Variants in PRR16 observed in about 807,000 individuals in gnomAD.
The protein encoded by PRR16 is proline rich 16.
In PRR16, 6 loss-of-function variants were observed where a neutral mutation model predicts 18.2. The ratio of observed to expected loss-of-function variants is 0.33; its 90% CI spans 0.18 to 0.65. The LOEUF is 0.65. PRR16 is among the 30% of genes least tolerant of loss of function. The pLI, the probability that PRR16 is intolerant of heterozygous loss-of-function variation, is 0.74. For synonymous variants in PRR16, 151 were observed against 147.8 expected, an observed-to-expected ratio of 1.02 and a Z score of -0.16; for missense variants, 412 against 376.6, an observed-to-expected ratio of 1.09 and a Z score of -0.78.
At chr5:120,527,299 G>C (rs1006832334) in intron 1 of PRR16, among the ~76,000 whole-genome samples, 97 of 152,242 alleles carry the variant, frequency 6.4e-4, no homozygotes, top group Non-Finnish European at 2.6e-4. Flanking sequence ...CTTTATTCGT[G>C]TGGTTAGTGT....
At chr5:120,620,452 T>A (rs528291596) in intron 1 of PRR16, among the ~76,000 whole-genome samples, 1 of 152,246 alleles carries the variant, frequency 6.6e-6, no homozygotes, top group Non-Finnish European at 1.5e-5. Flanking sequence ...ATAGATATTA[T>A]TCCTGAGAAG....
At chr5:120,655,500 AAAG>A (rs1017181721) in intron 1 of PRR16, among the ~76,000 whole-genome samples, 10 of 151,842 alleles carry the variant, frequency 6.6e-5, no homozygotes, top group African/African-American at 2.2e-4. Context: ...AAACAAGTAA[AAAG>A]AAGGAGAGGA....
chr5:120,548,756 C>G (rs904844236), intron 1 of PRR16, among the ~76,000 whole-genome samples: 30 of 152,134 alleles, frequency 2.0e-4, no homozygotes, highest in African/African-American at 7.2e-4. Context: ...AGGCGTCTGA[C>G]TTGCTATTGG....
chr5:120,743,977 T>G, the PRR16 span, among the ~76,000 whole-genome samples: 1 of 152,160 alleles, frequency 6.6e-6, no homozygotes, highest in African/African-American at 2.4e-5. Flanking sequence ...ATTTGTCTTC[T>G]TATACTTCAA....
At chr5:120,501,021 C>T in intron 1 of PRR16, among the ~76,000 whole-genome samples, 1 of 151,660 alleles carries the variant, frequency 6.6e-6, no homozygotes, top group Non-Finnish European at 1.5e-5. Context: ...TGAAATACAA[C>T]AGAAATATAA....
the PRR16 span, among the ~76,000 whole-genome samples, chr5:120,770,504 A>T: frequency 6.6e-6 from 1 of 152,022 alleles, no homozygotes; most frequent in South Asian, 2.1e-4. Flanking sequence ...GCTTTTTGAC[A>T]TTGATCTTGG....
At chr5:120,700,784 G>C in the PRR16 span, among the ~76,000 whole-genome samples, 2 of 152,250 alleles carry the variant, frequency 1.3e-5, no homozygotes. Flanking sequence ...CTTCCACTGT[G>C]AGAGTTACCC....
the PRR16 span, among the ~76,000 whole-genome samples, chr5:120,741,988 A>G: frequency 1.3e-5 from 2 of 152,070 alleles, no homozygotes. Context: ...ATAATTTGTT[A>G]TTAAATTTTT....
chr5:120,709,242 C>A, the PRR16 span, among the ~76,000 whole-genome samples: 1 of 151,812 alleles, frequency 6.6e-6, no homozygotes, highest in African/African-American at 2.4e-5. Flanking sequence ...CTCCTGACCT[C>A]GTGATCTGCC....
intron 1 of PRR16, among the ~76,000 whole-genome samples, chr5:120,483,370 G>A (rs1323257250): frequency 6.6e-6 from 1 of 152,080 alleles, no homozygotes; most frequent in East Asian, 1.9e-4. Flanking sequence ...TATTGTCTTG[G>A]CCAGAACTTT....
intron 1 of PRR16, among the ~76,000 whole-genome samples, chr5:120,626,269 T>C (rs1172579588): frequency 6.6e-6 from 1 of 152,106 alleles, no homozygotes; most frequent in Non-Finnish European, 1.5e-5. Flanking sequence ...TGGCATACTG[T>C]TTGGCAATGA....
the PRR16 span, among the ~76,000 whole-genome samples, chr5:120,760,130 G>A: frequency 1.3e-5 from 2 of 152,046 alleles, no homozygotes; most frequent in African/African-American, 4.8e-5. Context: ...ATGTATAATT[G>A]AATTGAATAA....
chr5:120,604,517 C>A (rs1754089851), intron 1 of PRR16, among the ~76,000 whole-genome samples: 1 of 152,006 alleles, frequency 6.6e-6, no homozygotes. Flanking sequence ...CACTTGATGC[C>A]TTTTGAGTGG....
intron 1 of PRR16, among the ~76,000 whole-genome samples, chr5:120,540,391 T>G (rs781022258): frequency 3.3e-5 from 5 of 152,238 alleles, no homozygotes; most frequent in Middle Eastern, 3.4e-3. Flanking sequence ...AAATCTGAGG[T>G]TTTTAGGACA....
the PRR16 span, among the ~76,000 whole-genome samples, chr5:120,701,357 AG>A: frequency 4.6e-5 from 7 of 152,178 alleles, no homozygotes; most frequent in Non-Finnish European, 1.5e-5. Context: ...AAAGTGTCTC[AG>A]GGTTGCTGCC....
At chr5:120,754,160 T>TA in the PRR16 span, among the ~76,000 whole-genome samples, 9 of 68,682 alleles carry the variant, frequency 1.3e-4, no homozygotes, top group East Asian at 4.7e-4. Flanking sequence ...ATAAATATGA[T>TA]ATATAAATAT....
intron 1 of PRR16, among the ~76,000 whole-genome samples, chr5:120,629,497 G>A (rs186812780): frequency 5.3e-5 from 8 of 152,158 alleles, no homozygotes; most frequent in African/African-American, 9.6e-5. Context: ...AACATTGAAA[G>A]CATCTTAGAA....
intron 1 of PRR16, among the ~76,000 whole-genome samples, chr5:120,671,652 T>G (rs970601805): frequency 6.6e-5 from 10 of 152,208 alleles, no homozygotes; most frequent in African/African-American, 2.4e-4. Flanking sequence ...GTATCTGAGA[T>G]GTAAAAAGTA....
chr5:120,709,153 G>A, the PRR16 span, among the ~76,000 whole-genome samples: 209 of 150,910 alleles, frequency 1.4e-3, 1 homozygote, highest in African/African-American at 4.7e-3. Context: ...GACTACAGGC[G>A]CCCGTCACCA....
Sources: allele counts gnomAD v4.1 joint callset (sites outside exome capture counted in the v4.1 genomes callset), GRCh38; gene constraint gnomAD v4.1.1; transcripts MANE v1.5; gene names NCBI Gene and HGNC (gene_info 2026-07-23, HGNC 2026-07-21).